Variants in VPS13C observed in about 807,000 individuals in gnomAD.
The protein encoded by VPS13C is vacuolar protein sorting 13 homolog C.
VPS13C carries 358 observed loss-of-function variants against 456.8 expected under a neutral mutation model. That is an observed-to-expected ratio of 0.78 (90% CI 0.72 to 0.86). The LOEUF is 0.86. Ranked by LOEUF, VPS13C falls within the 40% of genes least tolerant of loss-of-function variation. The pLI is 0.00. For missense variants in VPS13C, 4,818 were observed against 4,385.4 expected (o/e 1.10, Z -2.79); for synonymous variants, 1,578 against 1,486.7 (o/e 1.06, Z -1.41).
At position 61,887,388 on chromosome 15, in the gene VPS13C, G is replaced by A. The variant is rs1017902855; in HGVS notation, c.9341+2777C>T. Among the ~76,000 whole-genome samples the A allele has an allele frequency of 2.6e-5, 4 of 152,202 alleles. No homozygotes were observed. The South Asian group carries it at 8.3e-4, about 31-fold the overall frequency. ...CTACCAAAGTCTTTCAACAAATTAT[G>A]TTGGAACACCTGGACATCCATATGC... On this transcript the variant is annotated intron_variant, in intron 67 of 84. Transcript: ENST00000644861.
At position 61,981,476 on chromosome 15, in the gene VPS13C, G is replaced by C. The variant is rs753479476; in HGVS notation, c.2032C>G (p.Leu678Val). 1.3e-6 allele frequency: 2 copies of C among 1,588,890 alleles called. No homozygotes were observed. The highest frequency in any genetic ancestry group is 1.7e-6 in the Non-Finnish European group (2 of 1,171,606). Residue 678 changes from leucine (L) to valine (V), a missense_variant and splice_region_variant, in exon 22 of 85, where the codon CTT (leucine) becomes GTT (valine). By Grantham distance (32) the Leu-to-Val change is conservative. Coordinates refer to ENST00000644861, the MANE Select transcript of VPS13C (RefSeq NM_020821.3). ...TTTCGAGTTTCAATAATATGTGTAA[G>C]TCCTAAAGACGTAAGAAATAATGAC... Reference protein sequence around the residue: ...EEIKERTATGLTHIIETRKVL... With the variant: ...EEIKERTATGVTHIIETRKVL...
chr15:61,896,566 C>T (rs573841662), intron 66 of VPS13C, among the ~76,000 whole-genome samples: 10 of 152,258 alleles, frequency 6.6e-5, no homozygotes, highest in South Asian at 2.1e-4. Context: ...CGGCGCACCA[C>T]GAGATTATAT....
intron 3 of VPS13C, among the ~76,000 whole-genome samples, chr15:62,038,659 TAAAC>T (rs1043098172): frequency 6.6e-6 from 1 of 151,918 alleles, no homozygotes; most frequent in Non-Finnish European, 1.5e-5. Context: ...ATCAACACAG[TAAAC>T]AGACAACCTA....
intron 6 of VPS13C, among the ~76,000 whole-genome samples, chr15:62,024,747 C>A (rs1284529238): frequency 2.0e-5 from 3 of 152,138 alleles, no homozygotes; most frequent in African/African-American, 4.8e-5. Flanking sequence ...TGTGACCCTA[C>A]ATCCCTGTCC....
At chr15:61,854,604 C>T (rs1219797477) in intron 84 of VPS13C, 46 bp from the exon 85 acceptor site, 11 of 1,587,800 alleles carry the variant, frequency 6.9e-6, no homozygotes, top group Non-Finnish European at 9.5e-6. Context: ...CAAGTATAGG[C>T]TCATTTGGTT....
In VPS13C at chr15:61,858,107, C is replaced by T. The variant is rs143427590; in HGVS notation, c.10953-1698G>A. 5.9e-5 allele frequency among the ~76,000 whole-genome samples: 9 copies of T among 152,214 alleles called. No homozygotes were observed. In the East Asian group the frequency reaches 1.5e-3, roughly 26 times the overall value. ...GCTAAGGATGGCTGTCACAAATCCT[C>T]GTGCCAAACACAATTCACTATTCCA... On this transcript the variant is annotated intron_variant, in intron 82 of 84. Coordinates refer to ENST00000644861, the MANE Select transcript of VPS13C (RefSeq NM_020821.3). This position sits in a 1 kb window ranked among gnomAD's most constrained non-coding sequence, Gnocchi z 4.4.
chr15:62,034,153 G>A (rs917709632), intron 4 of VPS13C, among the ~76,000 whole-genome samples: 2 of 151,530 alleles, frequency 1.3e-5, no homozygotes, highest in African/African-American at 4.8e-5. Flanking sequence ...GCTAAAAACA[G>A]TAGGTAGCCC....
intron 18 of VPS13C, among the ~76,000 whole-genome samples, chr15:61,987,098 T>A (rs2046079512): frequency 6.6e-6 from 1 of 152,068 alleles, no homozygotes. Flanking sequence ...CCATAATAAT[T>A]TACAGATTCA....
At chr15:61,985,832 T>C (rs2046031955) in intron 18 of VPS13C, among the ~76,000 whole-genome samples, 1 of 151,982 alleles carries the variant, frequency 6.6e-6, no homozygotes, top group African/African-American at 2.4e-5. Context: ...CTGTTTCTCC[T>C]AGAGGTATTT....
rs1469540397 is a variant in VPS13C, at chr15:61,925,539, G to C, written c.6526C>G (p.Pro2176Ala). ...RGKNITTVLQ[P>A]CSLFMEKCTW... ...CATTTTTCCATAAATAAAGAACAGG[G>C]CTGCAAGACCTATAAACAGATAAAT... Residue 2176 changes from proline to alanine, a missense_variant, in exon 53 of 85, where the codon CCC becomes GCC. Physicochemically the swap from Pro to Ala is conservative, Grantham distance 27. Transcript: ENST00000644861. The C allele has an allele frequency of 6.3e-7, 1 of 1,598,858 alleles. No individual in the cohort carries two copies. Among genetic ancestry groups the C allele is most frequent in the Non-Finnish European group, 8.5e-7 (1 of 1,173,104 alleles).
intron 8 of VPS13C, among the ~76,000 whole-genome samples, chr15:62,022,510 GT>G (rs1283341992): frequency 2.6e-5 from 4 of 151,740 alleles, no homozygotes; most frequent in Admixed American, 6.6e-5. Context: ...TATGAGTGAG[GT>G]TTTTTTAAGA....
chr15:61,904,860 TAAGTG>T (rs1166046396), intron 66 of VPS13C, among the ~76,000 whole-genome samples: 3 of 152,032 alleles, frequency 2.0e-5, no homozygotes, highest in Non-Finnish European at 2.9e-5. Flanking sequence ...GTCATTATGT[TAAGTG>T]AAGTCAGTCA....
intron 63 of VPS13C, 42 bp downstream of exon 63, chr15:61,911,798 T>G (rs1216598791): frequency 6.7e-7 from 1 of 1,491,090 alleles, no homozygotes; most frequent in Admixed American, 2.0e-5. Context: ...CAATATTTAT[T>G]TGTATATTTT....
chr15:61,991,622 G>A, intron 17 of VPS13C, 51 bp downstream of exon 17: 2 of 1,505,164 alleles, frequency 1.3e-6, no homozygotes, highest in Middle Eastern at 1.8e-4. Context: ...AATTTACACA[G>A]TTTTTTTTTA....
intron 32 of VPS13C, among the ~76,000 whole-genome samples, 153 bp downstream of exon 32, chr15:61,963,682 T>C (rs1453419826): frequency 6.6e-6 from 1 of 152,080 alleles, no homozygotes; most frequent in Non-Finnish European, 1.5e-5. Context: ...CCAATATCTA[T>C]ATCCCAAATA....
intron 10 of VPS13C, among the ~76,000 whole-genome samples, 178 bp downstream of exon 10, chr15:62,013,755 A>G (rs1280065620): frequency 6.6e-6 from 1 of 152,000 alleles, no homozygotes; most frequent in East Asian, 1.9e-4. Flanking sequence ...TAAAGAACCT[A>G]TATCTCAGAA....
chr15:61,927,180 G>C lies in VPS13C; in HGVS notation c.6427C>G (p.Leu2143Val). 2 of 1,614,196 alleles carry C rather than the reference G, an allele frequency of 1.2e-6. No individual in the cohort carries two copies. Among genetic ancestry groups the C allele is most frequent in the South Asian group, 1.1e-5 (1 of 91,084 alleles). Residue 2143 changes from leucine (L) to valine (V), a missense_variant, in exon 52 of 85, where the codon CTC becomes GTC. Leu to Val is a conservative substitution (Grantham distance 32). Around this residue, in one of 3 missense-constraint regions of VPS13C, gnomAD observed 4,552 missense variants for 4,130.6 expected, o/e 1.10. Transcript: ENST00000644861. ...ACAGAAGCTTCCATCATCTGTTCGA[G>C]TTTGGATGTTGACAGAGAAAGGTTG... is the stretch of plus-strand genomic sequence containing the variant. ...QCNLSLSTSK[L>V]EQMMEASVRD...
rs1298890076 is a variant in VPS13C at position 61,927,459 on chromosome 15, A to C, written c.6287-139T>G. On this transcript the variant is annotated intron_variant, in intron 51 of 84. Transcript: ENST00000644861. ...TGAAACTGACAATATTAATTGGTTA[A>C]TTAATACTAATTATTAAATGATTAT... is the stretch of plus-strand genomic sequence containing the variant. 14 of 629,498 alleles carry C rather than the reference A, an allele frequency of 2.2e-5. No homozygotes were observed. In the South Asian group the frequency reaches 2.9e-4, roughly 13 times the overall value. The allele number at this position is 629,498 out of a possible 1,614,324, so 39.0% of individuals were successfully genotyped here.
At chr15:62,008,044 C>T (rs927721302) in intron 14 of VPS13C, among the ~76,000 whole-genome samples, 2 of 151,916 alleles carry the variant, frequency 1.3e-5, no homozygotes, top group African/African-American at 2.4e-5. Flanking sequence ...TTCAAGATGT[C>T]GAGATGCTGA....
Sources: gnomAD v4.1 joint callset for allele counts (sites outside exome capture counted in the v4.1 genomes callset) on GRCh38, gnomAD v4.1.1 for gene constraint, gnomAD v4.1.1 regional missense constraint, Gnocchi (gnomAD v3.1) non-coding constraint, MANE v1.5 for transcripts, NCBI Gene and HGNC (gene_info 2026-07-23, HGNC 2026-07-21) for gene names.